RCOR3: variants seen among roughly 807,000 people sequenced by gnomAD.
RCOR3 encodes the protein REST corepressor 3.
RCOR3 carries 13 observed loss-of-function variants against 64.1 expected under a neutral mutation model. The observed-to-expected ratio is 0.20, with a 90% CI of 0.13 to 0.32. The LOEUF (loss-of-function observed/expected upper bound fraction) is 0.32. Among genes scored for constraint, RCOR3 ranks in the 10% least tolerant of loss-of-function variants. The probability of loss-of-function intolerance (pLI) is 1.00; values close to 1 mark genes in which losing one functional copy is unlikely to be tolerated. For synonymous variants in RCOR3, 215 were observed against 239.0 expected (o/e 0.90, Z 0.93); for missense variants, 489 against 701.2 (o/e 0.70, Z 3.42).
At chr1:211,269,412 A>G (rs1324233723) in intron 2 of RCOR3, among the ~76,000 whole-genome samples, 2 of 152,188 alleles carry the variant, frequency 1.3e-5, no homozygotes, top group South Asian at 2.1e-4. Flanking sequence ...CCTGGCCAAC[A>G]TGATGAAACC....
chr1:211,307,604 CAA>C (rs1400615150), intron 10 of RCOR3, among the ~76,000 whole-genome samples: 1 of 151,758 alleles, frequency 6.6e-6, no homozygotes, highest in African/African-American at 2.4e-5. Flanking sequence ...TTTCAAAAAA[CAA>C]GACATTTAAA....
At chr1:211,296,175 T>G (rs1699845280) in intron 9 of RCOR3, among the ~76,000 whole-genome samples, 1 of 152,188 alleles carries the variant, frequency 6.6e-6, no homozygotes, top group Admixed American at 6.5e-5. Context: ...TATTTTAATT[T>G]AAGATAATTG....
At chr1:211,282,506 T>G (rs888090917) in intron 7 of RCOR3, among the ~76,000 whole-genome samples, 2 of 150,958 alleles carry the variant, frequency 1.3e-5, no homozygotes, top group African/African-American at 2.4e-5. Context: ...TATTCTTGTT[T>G]TTTTTTTTTT....
intron 10 of RCOR3, among the ~76,000 whole-genome samples, chr1:211,305,872 A>G (rs1322739327): frequency 6.6e-6 from 1 of 152,176 alleles, no homozygotes; most frequent in East Asian, 1.9e-4. Context: ...AGGAGTAGTC[A>G]TATATATAAC....
intron 6 of RCOR3, 24 bp from the exon 7 acceptor site, chr1:211,279,214 G>A (rs1250801515): frequency 2.1e-6 from 3 of 1,399,538 alleles, no homozygotes; most frequent in Admixed American, 1.9e-5. Context: ...GGAATTAAGT[G>A]TACTAATTTT....
chr1:211,265,345 G>T (rs1695001832), intron 2 of RCOR3, among the ~76,000 whole-genome samples: 1 of 152,140 alleles, frequency 6.6e-6, no homozygotes, highest in African/African-American at 2.4e-5. Flanking sequence ...AGTTTACATT[G>T]TTCCTTTTTG....
intron 10 of RCOR3, among the ~76,000 whole-genome samples, chr1:211,309,388 A>G (rs990766352): frequency 1.3e-5 from 2 of 152,244 alleles, no homozygotes; most frequent in African/African-American, 2.4e-5. Flanking sequence ...AAATGTAATG[A>G]TAACAGAATA....
chr1:211,303,963 T>G (rs1326677628), intron 9 of RCOR3, 120 bp from the exon 10 acceptor site: 2 of 507,840 alleles, frequency 3.9e-6, no homozygotes, highest in African/African-American at 2.0e-5. Flanking sequence ...AATGGAATCT[T>G]CATGAATCAG....
At chr1:211,287,537 C>G (rs546778799) in intron 7 of RCOR3, among the ~76,000 whole-genome samples, 1 of 152,270 alleles carries the variant, frequency 6.6e-6, no homozygotes, top group African/African-American at 2.4e-5. Flanking sequence ...ACATCAGATC[C>G]GCCATGTGTT....
chr1:211,279,842 C>T (rs1697525695), intron 7 of RCOR3, among the ~76,000 whole-genome samples: 1 of 152,176 alleles, frequency 6.6e-6, no homozygotes, highest in African/African-American at 2.4e-5. Context: ...TCCCCACTTC[C>T]CTTATCCTTC....
chr1:211,273,195 A>G (rs1002558781), intron 3 of RCOR3, among the ~76,000 whole-genome samples: 2 of 152,226 alleles, frequency 1.3e-5, no homozygotes, highest in Admixed American at 1.3e-4. Flanking sequence ...TAATCACAGC[A>G]AATACTTAAA....
At chr1:211,283,850 T>G (rs1295765783) in intron 7 of RCOR3, among the ~76,000 whole-genome samples, 1 of 151,702 alleles carries the variant, frequency 6.6e-6, no homozygotes, top group Non-Finnish European at 1.5e-5. Context: ...ACTGCGTATT[T>G]GTCTTTTTCT....
At chr1:211,292,808 G>A (rs188693466) in intron 8 of RCOR3, among the ~76,000 whole-genome samples, 59 of 152,146 alleles carry the variant, frequency 3.9e-4, no homozygotes, top group Non-Finnish European at 6.0e-4. Flanking sequence ...TGTCTTGGCC[G>A]GGTGCAGTGG....
chr1:211,304,268 T>C, intron 10 of RCOR3, 128 bp downstream of exon 10: 1 of 579,938 alleles, frequency 1.7e-6, no homozygotes, highest in Non-Finnish European at 2.8e-6. Context: ...CACAAAGTCC[T>C]GGTGACCAGG....
intron 3 of RCOR3, chr1:211,271,883 A>G (rs1405666647): frequency 6.0e-6 from 1 of 166,314 alleles, no homozygotes; most frequent in Non-Finnish European, 1.3e-5. Context: ...AGGTAACAAC[A>G]CTAAGATACC....
chr1:211,284,014 A>C (rs1049088076), intron 7 of RCOR3, among the ~76,000 whole-genome samples: 1 of 150,802 alleles, frequency 6.6e-6, no homozygotes, highest in Admixed American at 6.6e-5. Context: ...AAAGCATATA[A>C]ATTTTAAATT....
At chr1:211,261,937 A>AAAAAAAC (rs1694367243) in intron 2 of RCOR3, among the ~76,000 whole-genome samples, 2 of 148,008 alleles carry the variant, frequency 1.4e-5, no homozygotes, top group Non-Finnish European at 3.0e-5. Context: ...AAAAAAAAAA[A>AAAAAAAC]AAAACTGAAT....
intron 2 of RCOR3, among the ~76,000 whole-genome samples, chr1:211,267,360 T>C (rs1475071909): frequency 2.0e-5 from 3 of 152,222 alleles, no homozygotes; most frequent in Non-Finnish European, 4.4e-5. Flanking sequence ...AGTCATCTCT[T>C]GGGCCTAGTT....
intron 8 of RCOR3, among the ~76,000 whole-genome samples, chr1:211,292,097 A>G (rs149945740): frequency 0.012 from 1,838 of 152,282 alleles, 14 homozygotes; most frequent in Middle Eastern, 0.071. Flanking sequence ...ACTTATGAAC[A>G]AGTGGCCAAC....
Sources: allele counts gnomAD v4.1 joint callset (sites outside exome capture counted in the v4.1 genomes callset), GRCh38; gene constraint gnomAD v4.1.1; transcripts MANE v1.5; gene names NCBI Gene and HGNC (gene_info 2026-07-23, HGNC 2026-07-21).